ZNF704: variants seen among roughly 807,000 people sequenced by gnomAD.
The protein encoded by ZNF704 is glucocorticoid induced gene 1.
ZNF704 carries 10 observed loss-of-function variants against 44.7 expected under a neutral mutation model. The ratio of observed to expected loss-of-function variants is 0.22; its 90% CI spans 0.14 to 0.38. ZNF704 has a LOEUF of 0.38. Among genes scored for constraint, ZNF704 ranks in the 10% least tolerant of loss-of-function variants. The pLI is 1.00. For missense variants in ZNF704, 390 were observed against 545.5 expected, an observed-to-expected ratio of 0.71 and a Z score of 2.84; for synonymous variants, 211 against 207.6, an observed-to-expected ratio of 1.02 and a Z score of -0.14.
In ZNF704 at chr8:80,637,753, T is replaced by C. The variant is rs1817684741; in HGVS notation, c.*3613A>G. On this transcript the variant is annotated 3_prime_UTR_variant, in exon 9 of 9. Coordinates refer to ENST00000327835, the MANE Select transcript of ZNF704 (RefSeq NM_001033723.3). The stretch of plus-strand genomic sequence containing the variant: ...TGCCTGGAGCTGCTGACAGGCACTT[T>C]GCAGCTAAGCGCACACATTCTTGGT... 1 of 152,278 alleles carries C rather than the reference T, an allele frequency of 6.6e-6. No homozygotes were observed. Among genetic ancestry groups the C allele is most frequent in the Non-Finnish European group, 1.5e-5 (1 of 68,054 alleles). 9.4% of individuals were successfully genotyped at this position (152,278 alleles called of 1,614,324 possible).
intron 1 of ZNF704, among the ~76,000 whole-genome samples, chr8:80,869,982 A>G (rs1809222771): frequency 6.6e-6 from 1 of 152,216 alleles, no homozygotes; most frequent in Admixed American, 6.5e-5. Context: ...TAGGACCCTC[A>G]GTCCTACAGA....
chr8:80,655,572 C>T (rs73691962), intron 7 of ZNF704, among the ~76,000 whole-genome samples: 15,736 of 152,142 alleles, frequency 0.1, 1,210 homozygotes, highest in African/African-American at 0.22. Context: ...ATGCCAGGCA[C>T]TGTGTGAACG....
At chr8:80,857,188 A>C (rs1808977555) in intron 1 of ZNF704, among the ~76,000 whole-genome samples, 1 of 151,984 alleles carries the variant, frequency 6.6e-6, no homozygotes, top group Non-Finnish European at 1.5e-5. Flanking sequence ...AAACAGCGAT[A>C]TTTTCTTTTT....
intron 2 of ZNF704, among the ~76,000 whole-genome samples, chr8:80,729,049 A>G (rs1248814272): frequency 6.6e-6 from 1 of 152,170 alleles, no homozygotes; most frequent in African/African-American, 2.4e-5. Context: ...AGTTTTCATC[A>G]TTCCCTCCCC....
chr8:80,851,580 G>C (rs189228077), intron 1 of ZNF704, among the ~76,000 whole-genome samples: 2 of 133,022 alleles, frequency 1.5e-5, no homozygotes, highest in Non-Finnish European at 3.2e-5. Flanking sequence ...GTTGTGGGGT[G>C]GGGGGAGGGC....
At chr8:80,645,299 C>T in intron 7 of ZNF704, 2 of 872,362 alleles carry the variant, frequency 2.3e-6, no homozygotes, top group Non-Finnish European at 3.5e-6. Flanking sequence ...AACCTAGGAG[C>T]CAACGTGGTC....
At chr8:80,711,662 C>G (rs759718096) in intron 2 of ZNF704, among the ~76,000 whole-genome samples, 1 of 152,088 alleles carries the variant, frequency 6.6e-6, no homozygotes, top group Non-Finnish European at 1.5e-5. Context: ...CCAGGGGATA[C>G]GAGAAACTAC....
intron 1 of ZNF704, among the ~76,000 whole-genome samples, chr8:80,856,210 C>T (rs538699444): frequency 7.9e-4 from 120 of 152,258 alleles, no homozygotes; most frequent in Non-Finnish European, 1.5e-3. Context: ...CCTCCTGCCT[C>T]AGCCTCCCAA....
rs969392666 is a variant in ZNF704, at chr8:80,874,273, C to A, written c.-22+298G>T. 4.2e-5 allele frequency among the ~76,000 whole-genome samples: 6 copies of A among 143,100 alleles called. No homozygotes were observed. The highest frequency in any genetic ancestry group is 1.5e-4 in the African/African-American group (6 of 39,618). 93.9% of individuals were successfully genotyped at this position (143,100 alleles called of 152,430 possible). A position where few individuals can be genotyped will look rare whatever the true frequency, so the allele number is the denominator to read the frequency against. On this transcript the variant is annotated intron_variant, in intron 1 of 8. Coordinates refer to ENST00000327835, the MANE Select transcript of ZNF704 (RefSeq NM_001033723.3). The surrounding 1 kb of genome is among the most constrained non-coding windows in gnomAD (Gnocchi z 4.4). ...GGCCGGCGGCTACGGCGGGGCGGCG[C>A]GGCGGCCGCGGGCGGGGGTGGGTGT... is the stretch of plus-strand genomic sequence containing the variant.
chr8:80,729,626 C>T (rs1806542816), intron 2 of ZNF704, among the ~76,000 whole-genome samples: 1 of 152,118 alleles, frequency 6.6e-6, no homozygotes. Context: ...AGTTTTTTCA[C>T]CAGAACCAGT....
chr8:80,878,678 A>G (rs1432253584), upstream of ZNF704, among the ~76,000 whole-genome samples: 7 of 152,268 alleles, frequency 4.6e-5, no homozygotes, highest in Non-Finnish European at 1.0e-4. Flanking sequence ...TAACTCATCT[A>G]TTACAACCTT....
At chr8:80,766,777 A>G (rs892024494) in intron 2 of ZNF704, among the ~76,000 whole-genome samples, 12 of 152,108 alleles carry the variant, frequency 7.9e-5, no homozygotes, top group African/African-American at 2.7e-4. Flanking sequence ...CAGTGGCACA[A>G]TCTCGGCTCA....
chr8:80,676,717 A>G (rs866560331), intron 4 of ZNF704, among the ~76,000 whole-genome samples: 2 of 152,196 alleles, frequency 1.3e-5, no homozygotes, highest in African/African-American at 4.8e-5. Context: ...ATGGAAGGCA[A>G]TTTTTCCAGG....
At chr8:80,740,983 C>A (rs544057567) in intron 2 of ZNF704, among the ~76,000 whole-genome samples, 1 of 152,286 alleles carries the variant, frequency 6.6e-6, no homozygotes, top group South Asian at 2.1e-4. Context: ...GGTTTCCAAA[C>A]CAAAGGCTCA....
intron 2 of ZNF704, among the ~76,000 whole-genome samples, chr8:80,716,052 C>G (rs1192949502): frequency 6.6e-6 from 1 of 151,532 alleles, no homozygotes; most frequent in African/African-American, 2.4e-5. Flanking sequence ...TGCACTCCAG[C>G]CTGGGCGACA....
intron 4 of ZNF704, among the ~76,000 whole-genome samples, chr8:80,679,517 C>T (rs976459603): frequency 6.6e-5 from 10 of 152,324 alleles, no homozygotes; most frequent in Middle Eastern, 3.4e-3. Flanking sequence ...TGCTTCTACC[C>T]TAGCTTCTCC....
chr8:80,704,283 C>T (rs912587082), intron 2 of ZNF704, among the ~76,000 whole-genome samples: 3 of 152,178 alleles, frequency 2.0e-5, no homozygotes, highest in African/African-American at 7.2e-5. Flanking sequence ...GTAGGTTTAG[C>T]GCTTTTGATT....
At chr8:80,821,750 A>C in intron 1 of ZNF704, 135 bp from the exon 2 acceptor site, 1 of 664,994 alleles carries the variant, frequency 1.5e-6, no homozygotes, top group Non-Finnish European at 2.6e-6. Flanking sequence ...TTAATAAGAA[A>C]AATGCAACAT....
chr8:80,877,661 ACATC>A (rs1270010523), upstream of ZNF704, among the ~76,000 whole-genome samples: 1 of 152,222 alleles, frequency 6.6e-6, no homozygotes, highest in African/African-American at 2.4e-5. Context: ...TGGATTGAAC[ACATC>A]CTCATCTAAA....
Sources: gnomAD v4.1 joint callset for allele counts (sites outside exome capture counted in the v4.1 genomes callset) on GRCh38, gnomAD v4.1.1 for gene constraint, Gnocchi (gnomAD v3.1) non-coding constraint, MANE v1.5 for transcripts, NCBI Gene and HGNC (gene_info 2026-07-23, HGNC 2026-07-21) for gene names.